The following NCK2 variants were observed in gnomAD, a reference collection of about 807,000 sequenced individuals.
NCK2 encodes the protein NCK adaptor protein 2.
A neutral mutation model predicts 33.9 loss-of-function variants in NCK2; 16 were observed. That is an observed-to-expected ratio of 0.47 (90% CI 0.32 to 0.72). The LOEUF (loss-of-function observed/expected upper bound fraction) is 0.72, where lower values mean the gene tolerates loss of function less well. Among genes scored for constraint, NCK2 ranks in the 30% least tolerant of loss-of-function variants. The pLI is 0.03. For missense variants in NCK2, 418 were observed against 537.3 expected, an observed-to-expected ratio of 0.78 and a Z score of 2.19; for synonymous variants, 273 against 239.9, an observed-to-expected ratio of 1.14 and a Z score of -1.27.
At chr2:105,892,931 C>T in intron 4 of NCK2, 51 bp from the exon 5 acceptor site, 1 of 1,508,452 alleles carries the variant, frequency 6.6e-7, no homozygotes, top group Middle Eastern at 1.8e-4. Flanking sequence ...TGGATTTAGA[C>T]ACAGCTCCCC....
At chr2:105,795,622 A>G (rs1691053419) in intron 1 of NCK2, among the ~76,000 whole-genome samples, 1 of 152,210 alleles carries the variant, frequency 6.6e-6, no homozygotes, top group Non-Finnish European at 1.5e-5. Context: ...CCCAAGGGAT[A>G]TTCAGCAGGC....
chr2:105,794,241 A>T (rs1289484670), intron 1 of NCK2, among the ~76,000 whole-genome samples: 2 of 151,840 alleles, frequency 1.3e-5, no homozygotes, highest in African/African-American at 4.8e-5. Flanking sequence ...AGAATTTTCT[A>T]AAATTTCACC....
chr2:105,852,170 T>TCAGTCTCTGTGTGA (rs1282617322), intron 2 of NCK2, among the ~76,000 whole-genome samples: 23 of 152,134 alleles, frequency 1.5e-4, no homozygotes, highest in Admixed American at 1.3e-4. Flanking sequence ...AATAAGGCAC[T>TCAGTCTCTGTGTGA]CAGTCTCTGT....
intron 1 of NCK2, among the ~76,000 whole-genome samples, chr2:105,810,334 G>C (rs892101441): frequency 4.6e-5 from 7 of 152,070 alleles, no homozygotes; most frequent in Non-Finnish European, 1.0e-4. Flanking sequence ...GAGAGAGAGC[G>C]AGCGAGCAAG....
intron 1 of NCK2, among the ~76,000 whole-genome samples, chr2:105,811,439 C>T (rs1460192823): frequency 1.3e-5 from 2 of 152,172 alleles, no homozygotes; most frequent in African/African-American, 4.8e-5. Flanking sequence ...GGTAAACACA[C>T]CTGCCAGCAA....
At chr2:105,772,906 T>C (rs1690180855) in intron 1 of NCK2, among the ~76,000 whole-genome samples, 1 of 151,162 alleles carries the variant, frequency 6.6e-6, no homozygotes. Context: ...TTTTTTTTTT[T>C]TTTTTGAGAT....
chr2:105,810,835 A>C (rs558032045), intron 1 of NCK2, among the ~76,000 whole-genome samples: 3 of 152,344 alleles, frequency 2.0e-5, no homozygotes, highest in South Asian at 2.1e-4. Flanking sequence ...CCTATATGTT[A>C]GAATTTTTAG....
chr2:105,758,602 G>T (rs1395345978), intron 1 of NCK2, among the ~76,000 whole-genome samples: 2 of 151,818 alleles, frequency 1.3e-5, no homozygotes, highest in Non-Finnish European at 2.9e-5. Flanking sequence ...TAGAGACGGG[G>T]TTTCACCATA....
At chr2:105,759,291 G>A (rs1331165398) in intron 1 of NCK2, among the ~76,000 whole-genome samples, 1 of 152,128 alleles carries the variant, frequency 6.6e-6, no homozygotes, top group Non-Finnish European at 1.5e-5. Context: ...TACGTTCTCT[G>A]GGGAAAGCAG....
intron 1 of NCK2, among the ~76,000 whole-genome samples, chr2:105,805,853 C>A (rs1429924778): frequency 2.6e-5 from 4 of 152,140 alleles, no homozygotes; most frequent in African/African-American, 9.7e-5. Context: ...ATACCTGGAA[C>A]CAGAAATGTT....
rs1677206669 is a variant in NCK2 at position 105,855,114 on chromosome 2, G to A, written c.51G>A (p.Gln17=). 1.1e-5 allele frequency: 17 copies of A among 1,614,232 alleles called. No individual in the cohort carries two copies. The highest frequency in any genetic ancestry group is 1.4e-5 in the Non-Finnish European group (16 of 1,180,040). Residue 17 remains glutamine (Q), a synonymous_variant, in exon 3 of 5, where the codon CAG becomes CAA. Transcript: ENST00000233154. Reference sequence around the variant, plus strand: ...CCAAGTGGGACTACACCGCCCAGCAGGACCAGGAGCTGGACATCAAGAAGA... The same window carrying A: ...CCAAGTGGGACTACACCGCCCAGCAAGACCAGGAGCTGGACATCAAGAAGA... The part of the protein sequence containing the change: ...VIAKWDYTAQ[Q]DQELDIKKNE...
intron 1 of NCK2, among the ~76,000 whole-genome samples, chr2:105,787,170 T>A (rs1690708648): frequency 6.6e-6 from 1 of 152,212 alleles, no homozygotes; most frequent in Non-Finnish European, 1.5e-5. Flanking sequence ...TGGATTTCTC[T>A]TTTCTGGGTT....
intron 2 of NCK2, among the ~76,000 whole-genome samples, chr2:105,819,368 AAC>A (rs1675638053): frequency 6.6e-6 from 1 of 152,186 alleles, no homozygotes; most frequent in Non-Finnish European, 1.5e-5. Flanking sequence ...AACTTTTTAA[AAC>A]AGTCATTTGC....
Position 105,893,204 on chromosome 2 carries a change from C to T in NCK2, c.*28C>T, listed in dbSNP as rs774246902. 103 of 1,545,846 alleles carry T rather than the reference C, an allele frequency of 6.7e-5. No individual in the cohort carries two copies. Among genetic ancestry groups the T allele is most frequent in the Non-Finnish European group, 2.7e-5 (31 of 1,144,402 alleles). On this transcript the variant is annotated 3_prime_UTR_variant, in exon 5 of 5. Coordinates refer to ENST00000233154, the MANE Select transcript of NCK2 (RefSeq NM_003581.5). The stretch of plus-strand genomic sequence containing the variant: ...GCGCCCCGGCCCCACACTCGCCTCC[C>T]GGGCCCCACGGTGGAGCTGCCCGCC...
At chr2:105,759,481 T>C (rs1040623737) in intron 1 of NCK2, among the ~76,000 whole-genome samples, 4 of 152,240 alleles carry the variant, frequency 2.6e-5, no homozygotes, top group Non-Finnish European at 5.9e-5. Flanking sequence ...ATAAAACATA[T>C]GGTATATATT....
At chr2:105,852,639 G>C (rs1677111316) in intron 2 of NCK2, among the ~76,000 whole-genome samples, 1 of 152,178 alleles carries the variant, frequency 6.6e-6, no homozygotes, top group South Asian at 2.1e-4. Context: ...GGCTGCTCTT[G>C]TTAAAACCTT....
upstream of NCK2, among the ~76,000 whole-genome samples, chr2:105,744,635 TG>T (rs1308273275): frequency 6.6e-6 from 1 of 151,872 alleles, no homozygotes; most frequent in Admixed American, 6.5e-5. Context: ...CGGCCCGTGC[TG>T]CGCCTCCAGA....
intron 2 of NCK2, among the ~76,000 whole-genome samples, chr2:105,834,391 T>C (rs1676311625): frequency 1.3e-5 from 2 of 152,234 alleles, no homozygotes; most frequent in Non-Finnish European, 2.9e-5. Context: ...ACGTAATGAC[T>C]TTCTTTGCCA....
chr2:105,878,571 G>T (rs1678331879), intron 3 of NCK2, among the ~76,000 whole-genome samples: 1 of 152,140 alleles, frequency 6.6e-6, no homozygotes, highest in Non-Finnish European at 1.5e-5. Context: ...ACCTTGATTT[G>T]GACTTCCAGC....
Sources: allele counts gnomAD v4.1 joint callset (sites outside exome capture counted in the v4.1 genomes callset), GRCh38; gene constraint gnomAD v4.1.1; transcripts MANE v1.5; gene names NCBI Gene and HGNC (gene_info 2026-07-23, HGNC 2026-07-21).